Variants in NUP98 observed in about 807,000 individuals in gnomAD.
The protein encoded by NUP98 is nuclear pore complex protein Nup98-Nup96.
A neutral mutation model predicts 191.9 loss-of-function variants in NUP98; 26 were observed. The ratio of observed to expected loss-of-function variants is 0.14; its 90% CI spans 0.10 to 0.19. The LOEUF is 0.19. Ranked by LOEUF, NUP98 falls within the 10% of genes least tolerant of loss-of-function variation. NUP98 has a pLI of 1.00. For missense variants in NUP98, 1,941 were observed against 2,178.8 expected, an observed-to-expected ratio of 0.89 and a Z score of 2.17; for synonymous variants, 808 against 778.4, an observed-to-expected ratio of 1.04 and a Z score of -0.63.
intron 12 of NUP98, among the ~76,000 whole-genome samples, chr11:3,739,409 C>T (rs187216609): frequency 6.6e-6 from 1 of 152,012 alleles, no homozygotes; most frequent in Non-Finnish European, 1.5e-5. Context: ...CCGCCACGCC[C>T]GGCTAATTTT....
rs2079475026 is a variant in NUP98, at chr11:3,723,250, C to T, written c.2053G>A (p.Glu685Lys). ...NMRAALRNGLEGSSEETSFHD... is the reference protein window; with the variant it reads ...NMRAALRNGLKGSSEETSFHD... ...AAAGACGTTTCTTCACTGCTTCCTTCCAGCCCATTTCGCAAAGCAGCACGC... is the reference window on the plus strand; with the variant it reads ...AAAGACGTTTCTTCACTGCTTCCTTTCAGCCCATTTCGCAAAGCAGCACGC... The change falls in exon 16 of 33, where the codon GAA becomes AAA. Residue 685 changes from glutamate to lysine, a missense_variant. By Grantham distance (56) the Glu-to-Lys change is moderately conservative. This residue lies in a region of NUP98 where 453 missense variants were observed against 438.2 expected (regional missense o/e 1.03). Coordinates refer to ENST00000324932, the MANE Select transcript of NUP98 (RefSeq NM_016320.5). 1.2e-6 allele frequency: 2 copies of T among 1,614,040 alleles called. No individual in the cohort carries two copies. The highest frequency in any genetic ancestry group is 1.3e-5 in the African/African-American group (1 of 74,918).
chr11:3,769,575 CA>C (rs34035817), intron 7 of NUP98, among the ~76,000 whole-genome samples: 18,804 of 61,778 alleles, frequency 0.3, 1,037 homozygotes, highest in African/African-American at 0.34. Context: ...GATTCTGTCT[CA>C]AAAAAAAAAA....
chr11:3,706,589 C>T lies in NUP98; in HGVS notation c.2781G>A (p.Val927=), dbSNP rs1339548197. The change falls in exon 21 of 33, where the codon GTG becomes GTA. Residue 927 remains valine, a synonymous_variant. Transcript: ENST00000324932. The stretch of plus-strand genomic sequence containing the variant: ...TATCTACCATGTCACTGTCCAGTTC[C>T]ACAACCCTCCCTAACTGCTCCACCT... ...SPEVEQLGRV[V]ELDSDMVDIT... 1 of 1,614,058 alleles carries T rather than the reference C, an allele frequency of 6.2e-7. No individual in the cohort carries two copies.
At chr11:3,699,973 G>T (rs2078625939) in intron 24 of NUP98, among the ~76,000 whole-genome samples, 1 of 152,180 alleles carries the variant, frequency 6.6e-6, no homozygotes. Flanking sequence ...AGGTAATCTT[G>T]AAAGAAGCCA....
chr11:3,738,606 T>C (rs2080161935), intron 12 of NUP98, among the ~76,000 whole-genome samples: 1 of 151,708 alleles, frequency 6.6e-6, no homozygotes. Flanking sequence ...GGTGAACCTC[T>C]ATCTCTACTA....
In NUP98 at chr11:3,737,882, T is replaced by G. The variant is rs564340602; in HGVS notation, c.1409-2558A>C. On this transcript the variant is annotated intron_variant, in intron 12 of 32. Coordinates refer to ENST00000324932, the MANE Select transcript of NUP98 (RefSeq NM_016320.5). ...TAAGAGCAAAAAATAAAGAAAAGTT[T>G]TTTTTTTTTTGGTACACAGTACTAC... 4.5e-4 allele frequency among the ~76,000 whole-genome samples: 69 copies of G among 151,774 alleles called. 1 individual carries two copies. The South Asian group carries it at 0.014, about 30-fold the overall frequency.
In NUP98 at chr11:3,775,702, T is replaced by C. The variant is rs112757299; in HGVS notation, c.495+180A>G. On this transcript the variant is annotated intron_variant, in intron 5 of 32. Transcript: ENST00000324932. Reference sequence around the variant, plus strand: ...CCTAATTCAAATATACATCGTAATCTAGATTTACATTTCACAAGTGTTCCT... The same window carrying C: ...CCTAATTCAAATATACATCGTAATCCAGATTTACATTTCACAAGTGTTCCT... Among the ~76,000 whole-genome samples the C allele has an allele frequency of 8.4e-3, 1,276 of 152,320 alleles. 26 individuals carry two copies. Among genetic ancestry groups the C allele is most frequent in the African/African-American group, 0.028 (1,156 of 41,570 alleles).
rs146939669 is a variant in NUP98 at position 3,788,884 on chromosome 11, T to C, written c.-28-6739A>G. ...ATCGCTTGAACCCAGGAGGCAGAGA[T>C]TGCAGTGAGCCGAGATCGTGCCACT... On this transcript the variant is annotated intron_variant, in intron 1 of 32. Coordinates refer to ENST00000324932, the MANE Select transcript of NUP98 (RefSeq NM_016320.5). 3.0e-4 allele frequency among the ~76,000 whole-genome samples: 46 copies of C among 152,150 alleles called. No individual in the cohort carries two copies. In the East Asian group the frequency reaches 4.4e-3, roughly 15 times the overall value.
intron 17 of NUP98, among the ~76,000 whole-genome samples, chr11:3,719,859 A>G (rs1164579826): frequency 6.6e-6 from 1 of 151,094 alleles, no homozygotes; most frequent in Non-Finnish European, 1.5e-5. Flanking sequence ...TCCTAAACTG[A>G]AACAATCCTC....
At position 3,705,344 on chromosome 11, in the gene NUP98, A is replaced by C. The variant is rs2078828525; in HGVS notation, c.2938T>G (p.Ser980Ala). 2 of 1,614,010 alleles carry C rather than the reference A, an allele frequency of 1.2e-6. No individual in the cohort carries two copies. Among genetic ancestry groups the C allele is most frequent in the African/African-American group, 2.7e-5 (2 of 74,930 alleles). Reference sequence around the variant, plus strand: ...ACATCTTCTTCATCAGTAAGCAATGATGCTTTCATGATCTAAAAAGGCAAT... The same window carrying C: ...ACATCTTCTTCATCAGTAAGCAATGCTGCTTTCATGATCTAAAAAGGCAAT... ...NPHVLQIMKASLLTDEEDVDM... is the reference protein window; with the variant it reads ...NPHVLQIMKAALLTDEEDVDM... The change falls in exon 22 of 33, where the codon TCA (serine) becomes GCA (alanine). Residue 980 changes from serine (S) to alanine (A), a missense_variant. Coordinates refer to ENST00000324932, the MANE Select transcript of NUP98 (RefSeq NM_016320.5).
intron 12 of NUP98, among the ~76,000 whole-genome samples, chr11:3,741,392 C>A (rs1347491709): frequency 1.3e-5 from 2 of 151,900 alleles, no homozygotes; most frequent in African/African-American, 2.4e-5. Flanking sequence ...GAGGCTGAGG[C>A]AGGTGGATCA....
intron 30 of NUP98, among the ~76,000 whole-genome samples, chr11:3,680,163 A>C (rs759693213): frequency 6.6e-6 from 1 of 152,122 alleles, no homozygotes; most frequent in Non-Finnish European, 1.5e-5. Context: ...GGCTATGCTA[A>C]TTTCTTAAAA....
At chr11:3,771,705 C>T (rs1312773758) in intron 7 of NUP98, 43 bp downstream of exon 7, 1 of 1,546,420 alleles carries the variant, frequency 6.5e-7, no homozygotes, top group African/African-American at 1.4e-5. Context: ...TTTTAGTTAT[C>T]TGTCTCTCCT....
intron 9 of NUP98, 108 bp from the exon 10 acceptor site, chr11:3,760,734 T>C (rs1022880132): frequency 2.8e-6 from 2 of 726,382 alleles, no homozygotes; most frequent in African/African-American, 3.6e-5. Context: ...GGGAGAAAGA[T>C]GTCCTAACAT....
rs3740672 is a variant in NUP98 at position 3,679,419 on chromosome 11, C to G, written c.5073+135G>C. ...AGAAACGGTTATATCAAATGAGCCTCAGCAAGATGCCTGCTTTGACAGTGC... is the reference window on the plus strand; with the variant it reads ...AGAAACGGTTATATCAAATGAGCCTGAGCAAGATGCCTGCTTTGACAGTGC... On this transcript the variant is annotated intron_variant, in intron 31 of 32. Transcript: ENST00000324932. 6 of 1,046,004 alleles carry G rather than the reference C, an allele frequency of 5.7e-6. No individual in the cohort carries two copies. In the East Asian group the frequency reaches 1.4e-4, roughly 25 times the overall value. The allele number at this position is 1,046,004 out of a possible 1,614,324, so 64.8% of individuals were successfully genotyped here. A position where few individuals can be genotyped will look rare whatever the true frequency, so the allele number is the denominator to read the frequency against.
At chr11:3,710,679 C>T (rs2079003696) in intron 20 of NUP98, among the ~76,000 whole-genome samples, 2 of 152,116 alleles carry the variant, frequency 1.3e-5, no homozygotes, top group East Asian at 1.9e-4. Context: ...TTTCCCCATG[C>T]AAAGTAAAAT....
intron 11 of NUP98, among the ~76,000 whole-genome samples, chr11:3,750,781 GGC>G (rs1376051816): frequency 6.6e-6 from 1 of 152,118 alleles, no homozygotes; most frequent in Non-Finnish European, 1.5e-5. Context: ...TAGGACTACA[GGC>G]ACATGCCACC....
Position 3,738,794 on chromosome 11 carries a change from A to AG in NUP98, c.1409-3471_1409-3470insC, listed in dbSNP as rs1363732987. ...CTCCTCTCAAAAAAAAAAAAAAAAA[A>AG]AAAAGGAAAGAAAGAAAAGAAACCA... On this transcript the variant is annotated intron_variant, in intron 12 of 32. Coordinates refer to ENST00000324932, the MANE Select transcript of NUP98 (RefSeq NM_016320.5). Among the ~76,000 whole-genome samples the AG allele has an allele frequency of 4.9e-3, 738 of 150,822 alleles. 1 individual carries two copies. The highest frequency in any genetic ancestry group is 9.4e-3 in the Admixed American group (142 of 15,080).
At chr11:3,688,624 A>G (rs1790209475) in intron 28 of NUP98, among the ~76,000 whole-genome samples, 2 of 150,056 alleles carry the variant, frequency 1.3e-5, no homozygotes, top group Non-Finnish European at 1.5e-5. Context: ...GCAAAACCCC[A>G]TTTCTACTAA....
Sources: gnomAD v4.1 joint callset for allele counts (sites outside exome capture counted in the v4.1 genomes callset) on GRCh38, gnomAD v4.1.1 for gene constraint, gnomAD v4.1.1 regional missense constraint, MANE v1.5 for transcripts, NCBI Gene and HGNC (gene_info 2026-07-23, HGNC 2026-07-21) for gene names.